The following CADPS variants were observed in gnomAD, a reference collection of about 807,000 sequenced individuals.
CADPS encodes the protein calcium dependent secretion activator, also known as calcium-dependent secretion activator 1.
In CADPS, 57 loss-of-function variants were observed where a neutral mutation model predicts 167.3. The ratio of observed to expected loss-of-function variants is 0.34; its 90% CI spans 0.28 to 0.42. The LOEUF (loss-of-function observed/expected upper bound fraction) is 0.42, where lower values mean the gene tolerates loss of function less well. Ranked by LOEUF, CADPS falls within the 20% of genes least tolerant of loss-of-function variation. The probability of loss-of-function intolerance (pLI) is 1.00; values close to 1 mark genes in which losing one functional copy is unlikely to be tolerated. For synonymous variants in CADPS, 676 were observed against 635.3 expected, an observed-to-expected ratio of 1.06 and a Z score of -0.96; for missense variants, 1,414 against 1,738.1, an observed-to-expected ratio of 0.81 and a Z score of 3.32.
intron 17 of CADPS, among the ~76,000 whole-genome samples, chr3:62,510,191 C>CATCTATCTACCT (rs2067491385): frequency 6.7e-6 from 1 of 148,266 alleles, no homozygotes; most frequent in Non-Finnish European, 1.5e-5. Flanking sequence ...CCTATTTCTG[C>CATCTATCTACCT]ATCTATCTAT....
At chr3:62,425,593 A>G (rs1258688861) in intron 28 of CADPS, among the ~76,000 whole-genome samples, 2 of 152,224 alleles carry the variant, frequency 1.3e-5, no homozygotes, top group Non-Finnish European at 2.9e-5. Context: ...AGCAAACATT[A>G]AAAGACAAAA....
chr3:62,579,276 AC>A (rs1377022282), intron 8 of CADPS, among the ~76,000 whole-genome samples: 2 of 152,140 alleles, frequency 1.3e-5, no homozygotes, highest in Non-Finnish European at 2.9e-5. Context: ...TCTTTTAACC[AC>A]TTTAAGCTCC....
chr3:62,557,024 C>T (rs942851258), intron 10 of CADPS, among the ~76,000 whole-genome samples: 1 of 151,212 alleles, frequency 6.6e-6, no homozygotes, highest in African/African-American at 2.4e-5. Context: ...CACACACACA[C>T]ACACACACAC....
chr3:62,551,215 G>A (rs1057485849), intron 10 of CADPS, among the ~76,000 whole-genome samples: 2 of 152,092 alleles, frequency 1.3e-5, no homozygotes, highest in African/African-American at 4.8e-5. Flanking sequence ...ATGAACTCCT[G>A]GTCTTTCTCC....
chr3:62,552,534 C>T (rs759828931), intron 10 of CADPS, among the ~76,000 whole-genome samples: 18 of 152,158 alleles, frequency 1.2e-4, no homozygotes, highest in Non-Finnish European at 2.4e-4. Context: ...GGTTCCTCGT[C>T]GCCTCCTCAA....
At chr3:62,745,154 C>T (rs1490176650) in intron 3 of CADPS, among the ~76,000 whole-genome samples, 1 of 152,138 alleles carries the variant, frequency 6.6e-6, no homozygotes, top group East Asian at 1.9e-4. Flanking sequence ...ACAATTACAG[C>T]TCACTGCAGC....
intron 1 of CADPS, among the ~76,000 whole-genome samples, chr3:62,819,528 C>T (rs773911536): frequency 2.6e-5 from 4 of 151,808 alleles, no homozygotes; most frequent in South Asian, 2.1e-4. Context: ...CCCCTTCATC[C>T]GCTTATGAGA....
chr3:62,819,149 C>A lies in CADPS; in HGVS notation c.442-53165G>T, dbSNP rs184403922. ...ATTTGTCAAAACTCAGTGAACTGTA[C>A]ACTTAAGATCTGTTTGTTTGAATGG... On this transcript the variant is annotated intron_variant, in intron 1 of 29. Transcript: ENST00000383710. Among the ~76,000 whole-genome samples, 72 of 152,070 alleles carry A rather than the reference C, an allele frequency of 4.7e-4. No individual in the cohort carries two copies. The East Asian group carries it at 0.012, about 25-fold the overall frequency.
intron 26 of CADPS, among the ~76,000 whole-genome samples, chr3:62,457,140 A>G (rs1475366872): frequency 6.6e-6 from 1 of 152,174 alleles, no homozygotes; most frequent in African/African-American, 2.4e-5. Flanking sequence ...CAGTGATAGA[A>G]CTACACTAAT....
At chr3:62,674,879 A>C (rs973630600) in intron 3 of CADPS, among the ~76,000 whole-genome samples, 2 of 152,234 alleles carry the variant, frequency 1.3e-5, no homozygotes, top group Non-Finnish European at 2.9e-5. Flanking sequence ...TGAGGTCCAT[A>C]ATCCCATGTC....
intron 8 of CADPS, among the ~76,000 whole-genome samples, chr3:62,577,958 C>G (rs1282484130): frequency 6.6e-6 from 1 of 151,978 alleles, no homozygotes; most frequent in Non-Finnish European, 1.5e-5. Context: ...TCAGATAGGA[C>G]AAACAGAAAA....
chr3:62,659,138 A>G (rs1365830064), intron 4 of CADPS, among the ~76,000 whole-genome samples: 3 of 152,172 alleles, frequency 2.0e-5, no homozygotes, highest in Non-Finnish European at 2.9e-5. Context: ...GATGACATCT[A>G]TATCCAGGAA....
In CADPS at chr3:62,544,190, C is replaced by T. The variant is rs894919656; in HGVS notation, c.1966+5713G>A. 2.6e-5 allele frequency among the ~76,000 whole-genome samples: 4 copies of T among 151,980 alleles called. No homozygotes were observed. Among genetic ancestry groups the T allele is most frequent in the African/African-American group, 9.7e-5 (4 of 41,398 alleles). ...TGCTAGTTCCATGTATTGTAGCTCT[C>T]CTTTCAAAATTAATCCTCTATTGGG... On this transcript the variant is annotated intron_variant, in intron 11 of 29. Transcript: ENST00000383710. This position sits in a 1 kb window ranked among gnomAD's most constrained non-coding sequence, Gnocchi z 4.4.
intron 1 of CADPS, among the ~76,000 whole-genome samples, chr3:62,859,015 A>C (rs2080240946): frequency 6.6e-6 from 1 of 152,182 alleles, no homozygotes; most frequent in African/African-American, 2.4e-5. Context: ...GAAACAAAAG[A>C]CTATGCCAAA....
intron 1 of CADPS, among the ~76,000 whole-genome samples, chr3:62,812,572 A>T (rs1343362040): frequency 1.3e-5 from 2 of 152,200 alleles, no homozygotes; most frequent in Non-Finnish European, 2.9e-5. Context: ...TTTCATTTTA[A>T]AGGCAGCAAA....
At chr3:62,859,699 A>C (rs1315843810) in intron 1 of CADPS, among the ~76,000 whole-genome samples, 1 of 152,204 alleles carries the variant, frequency 6.6e-6, no homozygotes, top group East Asian at 1.9e-4. Flanking sequence ...GAAGGCTGAC[A>C]AATTATGTGG....
intron 24 of CADPS, among the ~76,000 whole-genome samples, chr3:62,469,890 G>A (rs1011963157): frequency 5.3e-5 from 8 of 152,160 alleles, no homozygotes; most frequent in Admixed American, 5.2e-4. Context: ...GGCCTGGAAA[G>A]TTTGGTCAGT....
At chr3:62,604,299 G>A (rs1175614354) in intron 6 of CADPS, among the ~76,000 whole-genome samples, 1 of 152,078 alleles carries the variant, frequency 6.6e-6, no homozygotes, top group Non-Finnish European at 1.5e-5. Flanking sequence ...CTCCAATTTT[G>A]GGGGCAGTGG....
At chr3:62,667,443 C>T (rs144081487) in intron 3 of CADPS, among the ~76,000 whole-genome samples, 96 of 152,076 alleles carry the variant, frequency 6.3e-4, no homozygotes, top group African/African-American at 2.2e-3. Context: ...TGCACAGTCC[C>T]TTCATCTGAG....
Sources: allele counts gnomAD v4.1 joint callset (sites outside exome capture counted in the v4.1 genomes callset), GRCh38; gene constraint gnomAD v4.1.1; non-coding constraint Gnocchi (gnomAD v3.1); transcripts MANE v1.5; gene names NCBI Gene and HGNC (gene_info 2026-07-23, HGNC 2026-07-21).